WWOX: variants seen among roughly 807,000 people sequenced by gnomAD.
WWOX encodes WW domain containing oxidoreductase, also known as WW domain-containing oxidoreductase.
Under a neutral mutation model 46.2 loss-of-function variants are expected in WWOX, and 69 were observed. The ratio of observed to expected loss-of-function variants is 1.49; its 90% CI spans 1.23 to 1.82. The LOEUF (loss-of-function observed/expected upper bound fraction) is 1.82. WWOX is among the 40% of genes most tolerant of loss of function. WWOX has a pLI of 0.00. For synonymous variants in WWOX, 359 were observed against 202.6 expected (o/e 1.77, Z -6.56); for missense variants, 919 against 542.6 (o/e 1.69, Z -6.89).
intron 8 of WWOX, chr16:78,996,432 A>C: frequency 5.7e-6 from 4 of 704,098 alleles, no homozygotes; most frequent in South Asian, 6.4e-5. Context: ...TTTGCAAAGA[A>C]TGGAGGCATA....
chr16:79,061,269 C>A (rs955595989), intron 8 of WWOX, among the ~76,000 whole-genome samples: 2 of 152,188 alleles, frequency 1.3e-5, no homozygotes, highest in South Asian at 4.1e-4. Flanking sequence ...TTGGTGCAGA[C>A]TGGATTTTTA....
intron 8 of WWOX, among the ~76,000 whole-genome samples, chr16:79,174,883 T>C (rs914447033): frequency 6.6e-6 from 1 of 152,244 alleles, no homozygotes; most frequent in Non-Finnish European, 1.5e-5. Flanking sequence ...CTAGATGCCA[T>C]CTTGCATAAA....
intron 6 of WWOX, among the ~76,000 whole-genome samples, chr16:78,391,665 TG>T (rs1371128168): frequency 6.6e-6 from 1 of 152,122 alleles, no homozygotes; most frequent in Admixed American, 6.5e-5. Flanking sequence ...CTGGCCAACA[TG>T]GCAAAACCCC....
intron 8 of WWOX, among the ~76,000 whole-genome samples, chr16:79,097,920 G>A (rs1423007636): frequency 2.6e-5 from 4 of 152,116 alleles, no homozygotes; most frequent in Non-Finnish European, 4.4e-5. Flanking sequence ...TGCATTACAG[G>A]CAAAATGATA....
chr16:78,965,650 C>G (rs983280601), intron 8 of WWOX, among the ~76,000 whole-genome samples: 5 of 151,950 alleles, frequency 3.3e-5, no homozygotes, highest in East Asian at 1.9e-4. Flanking sequence ...GTTAGCATCT[C>G]TGGCATAAAC....
At chr16:79,159,972 G>C (rs940059814) in intron 8 of WWOX, among the ~76,000 whole-genome samples, 1 of 152,044 alleles carries the variant, frequency 6.6e-6, no homozygotes, top group Non-Finnish European at 1.5e-5. Flanking sequence ...TCATACCTAG[G>C]GGGCTTTGGG....
chr16:78,739,879 T>C (rs951607948), intron 8 of WWOX, among the ~76,000 whole-genome samples: 2 of 152,150 alleles, frequency 1.3e-5, no homozygotes, highest in Admixed American at 6.5e-5. Context: ...GCAGGAAATA[T>C]GTTTTTGAAT....
chr16:78,813,095 T>A (rs1207117775), intron 8 of WWOX, among the ~76,000 whole-genome samples: 1 of 152,044 alleles, frequency 6.6e-6, no homozygotes, highest in East Asian at 1.9e-4. Flanking sequence ...CTTTTTTTTT[T>A]TTTCCAACTT....
intron 4 of WWOX, among the ~76,000 whole-genome samples, chr16:78,130,863 A>T (rs941778461): frequency 2.6e-5 from 4 of 152,234 alleles, no homozygotes; most frequent in Non-Finnish European, 5.9e-5. Flanking sequence ...ACTGAATGAC[A>T]GAGATATGAT....
rs536495094 is a variant in WWOX, at chr16:78,333,413, C to T, written c.517-53447C>T. 5.3e-5 allele frequency among the ~76,000 whole-genome samples: 8 copies of T among 152,008 alleles called. No individual in the cohort carries two copies. In the South Asian group the frequency reaches 6.2e-4, roughly 12 times the overall value. ...TTTAATGTTTATATAGAAAAAGTTG[C>T]CTTATCAACCATTATAATCATGGTA... On this transcript the variant is annotated intron_variant, in intron 5 of 8. Transcript: ENST00000566780.
intron 8 of WWOX, among the ~76,000 whole-genome samples, chr16:79,085,030 A>T (rs144585793): frequency 1.3e-5 from 2 of 151,762 alleles, no homozygotes; most frequent in South Asian, 2.1e-4. Flanking sequence ...GGCTTAAGCA[A>T]TCCTCCCGCC....
intron 8 of WWOX, among the ~76,000 whole-genome samples, chr16:78,740,279 G>C (rs1047177055): frequency 6.6e-6 from 1 of 152,210 alleles, no homozygotes; most frequent in African/African-American, 2.4e-5. Flanking sequence ...ACGGCTGCCT[G>C]CACTGTCCTC....
chr16:78,445,684 C>G (rs1294884662), intron 8 of WWOX, among the ~76,000 whole-genome samples: 1 of 152,184 alleles, frequency 6.6e-6, no homozygotes, highest in African/African-American at 2.4e-5. Flanking sequence ...TGAAACCAGC[C>G]TAGCTAACAC....
intron 5 of WWOX, among the ~76,000 whole-genome samples, chr16:78,385,676 T>G (rs1381205562): frequency 1.3e-5 from 2 of 152,196 alleles, no homozygotes; most frequent in East Asian, 3.9e-4. Context: ...GGGTAGAGGA[T>G]GTTCTCAGCA....
chr16:78,447,614 A>T (rs1197764968), intron 8 of WWOX, among the ~76,000 whole-genome samples: 1 of 152,190 alleles, frequency 6.6e-6, no homozygotes, highest in Non-Finnish European at 1.5e-5. Context: ...ATGACAACAA[A>T]AATTAGTCGG....
chr16:78,258,892 C>T (rs1489032939), intron 5 of WWOX, among the ~76,000 whole-genome samples: 1 of 152,106 alleles, frequency 6.6e-6, no homozygotes, highest in East Asian at 1.9e-4. Flanking sequence ...CTCCACAAAT[C>T]TCCACTTTAC....
intron 8 of WWOX, among the ~76,000 whole-genome samples, chr16:79,209,202 T>C (rs897463624): frequency 1.3e-5 from 2 of 152,224 alleles, no homozygotes; most frequent in Non-Finnish European, 2.9e-5. Flanking sequence ...TGGCATGAAA[T>C]GAAGCCAGTT....
chr16:78,331,353 A>T (rs1274750780), intron 5 of WWOX, among the ~76,000 whole-genome samples: 1 of 152,210 alleles, frequency 6.6e-6, no homozygotes, highest in African/African-American at 2.4e-5. Flanking sequence ...AATTTTTGCA[A>T]CTTATAACCC....
At chr16:79,121,579 G>C (rs1432634749) in intron 8 of WWOX, among the ~76,000 whole-genome samples, 2 of 152,168 alleles carry the variant, frequency 1.3e-5, no homozygotes, top group Non-Finnish European at 2.9e-5. Flanking sequence ...TGAATAACAA[G>C]AGACCGTGCT....
Sources: gnomAD v4.1 joint callset for allele counts (sites outside exome capture counted in the v4.1 genomes callset) on GRCh38, gnomAD v4.1.1 for gene constraint, MANE v1.5 for transcripts, NCBI Gene and HGNC (gene_info 2026-07-23, HGNC 2026-07-21) for gene names.